Variants in CFAP46 observed in about 807,000 individuals in gnomAD.
The protein encoded by CFAP46 is cilia- and flagella-associated protein 46.
In CFAP46, 245 loss-of-function variants were observed where a neutral mutation model predicts 325.7. That is an observed-to-expected ratio of 0.75 (90% CI 0.68 to 0.84). CFAP46 has a LOEUF of 0.84. Ranked by LOEUF, CFAP46 falls within the 40% of genes least tolerant of loss-of-function variation. The pLI, the probability that CFAP46 is intolerant of heterozygous loss-of-function variation, is 0.00. For missense variants in CFAP46, 3,346 were observed against 3,543.0 expected (o/e 0.94, Z 1.41); for synonymous variants, 1,523 against 1,495.9 (o/e 1.02, Z -0.42).
intron 40 of CFAP46, 121 bp downstream of exon 40, chr10:132,850,996 C>T (rs1848531671): frequency 1.7e-6 from 2 of 1,192,376 alleles, no homozygotes; most frequent in Non-Finnish European, 2.4e-6. Context: ...AAGAGGTCCC[C>T]AGCTGACCCG....
intron 38 of CFAP46, 51 bp from the exon 39 acceptor site, chr10:132,857,839 A>T (rs1269324028): frequency 6.6e-6 from 9 of 1,353,528 alleles, no homozygotes; most frequent in Non-Finnish European, 8.9e-6. Context: ...ATTATTACTA[A>T]ATGTTTAATA....
At chr10:132,940,159 C>T (rs1850073979) in intron 4 of CFAP46, among the ~76,000 whole-genome samples, 1 of 152,146 alleles carries the variant, frequency 6.6e-6, no homozygotes, top group African/African-American at 2.4e-5. Context: ...GCCCTACATC[C>T]CCAGCACTTG....
intron 24 of CFAP46, among the ~76,000 whole-genome samples, chr10:132,898,184 C>G (rs1351959926): frequency 6.6e-6 from 1 of 152,240 alleles, no homozygotes; most frequent in African/African-American, 2.4e-5. Context: ...GAGTCTCAGC[C>G]TCTTTCCAGG....
chr10:132,912,597 CCTCTCTCCTCTCTCT>C, intron 19 of CFAP46, 43 bp downstream of exon 19: 3 of 1,281,448 alleles, frequency 2.3e-6, no homozygotes, highest in Non-Finnish European at 3.1e-6. Flanking sequence ...CTCTCTCTCT[CCTCTCTCCTCTCTCT>C]CTCTCTCTCT....
intron 44 of CFAP46, 106 bp from the exon 45 acceptor site, chr10:132,837,020 G>A: frequency 8.0e-6 from 7 of 870,728 alleles, no homozygotes; most frequent in Non-Finnish European, 9.3e-6. Flanking sequence ...CACGGCGGGG[G>A]CTTTGTACCC....
At position 132,828,174 on chromosome 10, in the gene CFAP46, GTA is replaced by G. The variant is rs1215939587; in HGVS notation, c.7117+5182_7117+5183del. On this transcript the variant is annotated intron_variant, in intron 50 of 57. Transcript: ENST00000368586. This position sits in a 1 kb window ranked among gnomAD's most constrained non-coding sequence, Gnocchi z 4.9. Reference sequence around the variant, plus strand: ...GCAGATAACGCTGCTGTAAACATGTGTATGAGTTTCTGCGGGACGCGTGTCTC... The same window carrying G: ...GCAGATAACGCTGCTGTAAACATGTGTGAGTTTCTGCGGGACGCGTGTCTC... 6.6e-6 allele frequency among the ~76,000 whole-genome samples: 1 copy of G among 152,246 alleles called. No homozygotes were observed. The highest frequency in any genetic ancestry group is 1.5e-5 in the Non-Finnish European group (1 of 68,044).
chr10:132,835,325 G>T lies in CFAP46; in HGVS notation c.6723C>A (p.Asp2241Glu). 1 of 1,613,428 alleles carries T rather than the reference G, an allele frequency of 6.2e-7. No homozygotes were observed. Among genetic ancestry groups the T allele is most frequent in the East Asian group, 2.2e-5 (1 of 44,884 alleles). ...KQTQAQVYSE[D>E]MALNIGSEPE... ...TCACCGAGCCTATGTTCAGGGCCAT[G>T]TCCTCACTGTACACCTGGGCCTGGG... The change falls in exon 47 of 58, where the codon GAC becomes GAA. Residue 2241 changes from aspartate to glutamate, a missense_variant. Transcript: ENST00000368586.
At chr10:132,867,711 C>T (rs921884047) in intron 33 of CFAP46, among the ~76,000 whole-genome samples, 1 of 152,220 alleles carries the variant, frequency 6.6e-6, no homozygotes, top group Non-Finnish European at 1.5e-5. Context: ...CTTCCAAACT[C>T]CAAGGTCATG....
At chr10:132,935,505 C>T (rs1364472571) in intron 7 of CFAP46, among the ~76,000 whole-genome samples, 45 of 148,370 alleles carry the variant, frequency 3.0e-4, no homozygotes, top group Admixed American at 1.3e-3. Context: ...CCTCACTCCC[C>T]TCAGCACCCA....
chr10:132,923,653 C>G (rs1366600154), intron 11 of CFAP46, among the ~76,000 whole-genome samples: 1 of 152,204 alleles, frequency 6.6e-6, no homozygotes, highest in African/African-American at 2.4e-5. Context: ...TTGATGGCCC[C>G]AGGCTTGAGA....
At chr10:132,849,240 C>T (rs1196589403) in intron 41 of CFAP46, among the ~76,000 whole-genome samples, 1 of 152,234 alleles carries the variant, frequency 6.6e-6, no homozygotes, top group Non-Finnish European at 1.5e-5. Context: ...CCACCCGCTA[C>T]CTGAGCAGGC....
chr10:132,911,483 C>G lies in CFAP46; in HGVS notation c.2499+1172G>C, dbSNP rs540907459. ...CGCCCCGTGCCCCTGCGGAGACACT[C>G]AAGGCCTCCCTGCCCCCGCCCCACC... On this transcript the variant is annotated intron_variant, in intron 19 of 57. Transcript: ENST00000368586. 9.2e-5 allele frequency among the ~76,000 whole-genome samples: 14 copies of G among 152,338 alleles called. No homozygotes were observed. In the East Asian group the frequency reaches 2.7e-3, roughly 29 times the overall value.
At chr10:132,814,001 T>C in intron 54 of CFAP46, 151 bp downstream of exon 54, 4 of 646,708 alleles carry the variant, frequency 6.2e-6, no homozygotes, top group Non-Finnish European at 8.2e-6. Flanking sequence ...CTGTGAGGAT[T>C]CAAGGAGCTG....
At chr10:132,822,211 CTGA>C (rs1454321719) in intron 50 of CFAP46, among the ~76,000 whole-genome samples, 2 of 114,768 alleles carry the variant, frequency 1.7e-5, no homozygotes, top group African/African-American at 3.8e-5. Flanking sequence ...TGTGTGTGTG[CTGA>C]TGTGTGCTGT....
At position 132,832,494 on chromosome 10, in the gene CFAP46, G is replaced by A. The variant is rs1287913927; in HGVS notation, c.7117+864C>T. The A allele has an allele frequency of 1.7e-5, 5 of 297,486 alleles. No homozygotes were observed. The highest frequency in any genetic ancestry group is 4.5e-5 in the African/African-American group (2 of 44,394). The allele number at this position is 297,486 out of a possible 1,614,324, so 18.4% of individuals were successfully genotyped here. A position where few individuals can be genotyped will look rare whatever the true frequency, so the allele number is the denominator to read the frequency against. On this transcript the variant is annotated intron_variant, in intron 50 of 57. Coordinates refer to ENST00000368586, the MANE Select transcript of CFAP46 (RefSeq NM_001200049.3). The surrounding 1 kb of genome is among the most constrained non-coding windows in gnomAD (Gnocchi z 4.1). ...CCCTTCGAGGCCCCCCGTCCTGCGC[G>A]GACTGCTCGTCAATGTTTGAAAACC...
chr10:132,921,563 C>T (rs1849722522), intron 13 of CFAP46, among the ~76,000 whole-genome samples: 1 of 152,192 alleles, frequency 6.6e-6, no homozygotes, highest in South Asian at 2.1e-4. Flanking sequence ...TGGCTCAACC[C>T]CATTCCCCAG....
In CFAP46 at chr10:132,937,001, T is replaced by C. The variant is rs1476539158; in HGVS notation, c.715A>G (p.Ile239Val). ...ATATAGAAAGTGACTGACAGGCTAA[T>C]GGAATTTTTCTTTTCTTCCTTTAAC... ...LQLKEEKKNS[I>V]SLSVTFYINM... Residue 239 changes from isoleucine to valine, a missense_variant, in exon 7 of 58, where the codon ATT (isoleucine) becomes GTT (valine). Ile to Val is a conservative substitution (Grantham distance 29, BLOSUM62 3). Transcript: ENST00000368586. 2.6e-6 allele frequency: 4 copies of C among 1,546,050 alleles called. No individual in the cohort carries two copies. The highest frequency in any genetic ancestry group is 3.5e-6 in the Non-Finnish European group (4 of 1,136,798).
chr10:132,821,953 G>GTGTGTGCTGTGTGTGTGA lies in CFAP46; in HGVS notation c.7118-7040_7118-7039insTCACACACACAGCACACA, dbSNP rs1438834175. ...GCTGATGTGTGCTGTGTGTGCGCTT[G>GTGTGTGCTGTGTGTGTGA]TGTGTGCTGTGTGTGCGCTGATGTG... On this transcript the variant is annotated intron_variant, in intron 50 of 57. Coordinates refer to ENST00000368586, the MANE Select transcript of CFAP46 (RefSeq NM_001200049.3). Among the ~76,000 whole-genome samples the GTGTGTGCTGTGTGTGTGA allele has an allele frequency of 2.7e-3, 345 of 130,156 alleles. 1 individual carries two copies. The highest frequency in any genetic ancestry group is 9.6e-3 in the African/African-American group (320 of 33,354). 85.4% of individuals were successfully genotyped at this position (130,156 alleles called of 152,430 possible).
chr10:132,823,273 A>C (rs1485606774), intron 50 of CFAP46, among the ~76,000 whole-genome samples: 1 of 73,486 alleles, frequency 1.4e-5, no homozygotes, highest in Non-Finnish European at 2.5e-5. Context: ...GTGAGTGCTG[A>C]TGTGTGCTGT....
Sources: allele counts gnomAD v4.1 joint callset (sites outside exome capture counted in the v4.1 genomes callset), GRCh38; gene constraint gnomAD v4.1.1; non-coding constraint Gnocchi (gnomAD v3.1); transcripts MANE v1.5; gene names NCBI Gene and HGNC (gene_info 2026-07-23, HGNC 2026-07-21).